Variants in SRGAP2C observed in about 807,000 individuals in gnomAD.
The protein encoded by SRGAP2C is SLIT-ROBO Rho GTPase activating protein 2C, also known as SLIT-ROBO Rho GTPase-activating protein 2C.
Under a neutral mutation model 25.1 loss-of-function variants are expected in SRGAP2C, and 15 were observed. That is an observed-to-expected ratio of 0.60 (90% confidence interval 0.40 to 0.92). The LOEUF is 0.92. Ranked by LOEUF, SRGAP2C falls within the 40% of genes least tolerant of loss-of-function variation. SRGAP2C has a pLI of 0.00. For missense variants in SRGAP2C, 144 were observed against 264.4 expected (o/e 0.54, Z 3.16); for synonymous variants, 44 against 96.6 (o/e 0.46, Z 3.19).
At chr1:121,206,121 C>T (rs1254970624) in intron 2 of SRGAP2C, among the ~76,000 whole-genome samples, 4 of 150,828 alleles carry the variant, frequency 2.7e-5, no homozygotes, top group African/African-American at 9.7e-5. Context: ...GTTCCCACAG[C>T]CCCCACCGTG....
intron 3 of SRGAP2C, among the ~76,000 whole-genome samples, chr1:121,315,512 T>A (rs1658077478): frequency 6.6e-6 from 1 of 151,550 alleles, no homozygotes; most frequent in African/African-American, 2.4e-5. Context: ...GCTAATTTGA[T>A]CTACTAACCT....
In SRGAP2C at chr1:121,326,747, C is replaced by T. The variant is rs1215009032; in HGVS notation, c.423+2107C>T. On this transcript the variant is annotated intron_variant, in intron 4 of 9. Coordinates refer to ENST00000367123, the MANE Select transcript of SRGAP2C (RefSeq NM_001329984.2). ...CATTTCTGTACCCTAGAAACCCCCT[C>T]ATATTCCCTTCTAGTCATCTCCCCA... Among the ~76,000 whole-genome samples the T allele has an allele frequency of 2.6e-4, 23 of 88,452 alleles. 5 individuals are homozygous for T. The highest frequency in any genetic ancestry group is 0.01 in the Middle Eastern group (2 of 194). The allele number at this position is 88,452 out of a possible 152,430, so 58.0% of individuals were successfully genotyped here.
intron 2 of SRGAP2C, among the ~76,000 whole-genome samples, chr1:121,255,322 T>G (rs1373503920): frequency 1.3e-5 from 2 of 151,696 alleles, no homozygotes; most frequent in African/African-American, 2.4e-5. Flanking sequence ...TGGGTTGAAG[T>G]TGTTTTTATG....
rs1310769372 is a variant in SRGAP2C, at chr1:121,310,621, C to A, written c.261-13857C>A. Reference sequence around the variant, plus strand: ...TTTGTATAAGGTGTAAGGAAGGGATCCAGTTTCAGCTTTCTACATATGGCT... The same window carrying A: ...TTTGTATAAGGTGTAAGGAAGGGATACAGTTTCAGCTTTCTACATATGGCT... On this transcript the variant is annotated intron_variant, in intron 3 of 9. Transcript: ENST00000367123. Among the ~76,000 whole-genome samples, 658 of 66,494 alleles carry A rather than the reference C, an allele frequency of 9.9e-3. 39 individuals carry two copies. The highest frequency in any genetic ancestry group is 0.022 in the Middle Eastern group (4 of 178). 43.6% of individuals were successfully genotyped at this position (66,494 alleles called of 152,430 possible).
intron 2 of SRGAP2C, among the ~76,000 whole-genome samples, chr1:121,223,972 A>T (rs1655601589): frequency 6.6e-6 from 1 of 150,530 alleles, no homozygotes; most frequent in Non-Finnish European, 1.5e-5. Flanking sequence ...TGGAAATGTC[A>T]CTACTCACCT....
At chr1:121,279,394 T>C (rs1657191962) in intron 2 of SRGAP2C, among the ~76,000 whole-genome samples, 1 of 135,680 alleles carries the variant, frequency 7.4e-6, no homozygotes. Context: ...CTCTGCTGAC[T>C]GTTGAATTCC....
intron 2 of SRGAP2C, among the ~76,000 whole-genome samples, chr1:121,219,404 GC>G (rs1553325304): frequency 1.9e-5 from 1 of 53,200 alleles, no homozygotes; most frequent in East Asian, 4.5e-4. Flanking sequence ...TAAACTATAA[GC>G]TTTTGGATGG....
Position 121,268,785 on chromosome 1 carries a change from G to A in SRGAP2C, c.68-16018G>A, listed in dbSNP as rs1553334774. ...TGGGGTGTCAAGAGTTCAGGTTCGG[G>A]CATGTTAAGTTCTAGGTACCTGTTA... On this transcript the variant is annotated intron_variant, in intron 2 of 9. Coordinates refer to ENST00000367123, the MANE Select transcript of SRGAP2C (RefSeq NM_001329984.2). 3.9e-5 allele frequency among the ~76,000 whole-genome samples: 4 copies of A among 101,372 alleles called. 2 individuals carry two copies. The allele number at this position is 101,372 out of a possible 152,430, so 66.5% of individuals were successfully genotyped here. A position where few individuals can be genotyped will look rare whatever the true frequency, so the allele number is the denominator to read the frequency against.
intron 4 of SRGAP2C, among the ~76,000 whole-genome samples, chr1:121,336,185 T>A (rs1658511521): frequency 6.6e-6 from 1 of 152,158 alleles, no homozygotes. Flanking sequence ...CTATCCTGTT[T>A]GCCTTGGGCT....
At chr1:121,202,516 A>C (rs1343533636) in intron 2 of SRGAP2C, among the ~76,000 whole-genome samples, 2 of 142,414 alleles carry the variant, frequency 1.4e-5, no homozygotes, top group Admixed American at 7.0e-5. Flanking sequence ...GCAACCTCCG[A>C]CTCCCGGATT....
intron 3 of SRGAP2C, among the ~76,000 whole-genome samples, chr1:121,289,157 T>C (rs1258630070): frequency 2.0e-5 from 3 of 146,744 alleles, no homozygotes; most frequent in Non-Finnish European, 3.0e-5. Flanking sequence ...GAGCAGGGGG[T>C]GGTGCTCGTC....
In SRGAP2C at chr1:121,284,859, CG is replaced by C. The variant is rs1156541010; in HGVS notation, c.127del (p.Val43CysfsTer61). The C allele has an allele frequency of 5.4e-6, 6 of 1,110,264 alleles. No individual in the cohort carries two copies. The highest frequency in any genetic ancestry group is 7.8e-6 in the Non-Finnish European group (6 of 766,838). 68.8% of individuals were successfully genotyped at this position (1,110,264 alleles called of 1,614,324 possible). On this transcript the variant is annotated frameshift_variant, in exon 3 of 10. Transcript: ENST00000367123. LOFTEE classifies it high-confidence loss of function. ...ATGCCTGGACCAGCAGTGTGAGCTTCGGGTGCAACTGTTGCAGGACCTCCAG... is the reference window on the plus strand; with the variant it reads ...ATGCCTGGACCAGCAGTGTGAGCTTCGGTGCAACTGTTGCAGGACCTCCAG... Reference protein sequence around the residue: ...MKCLDQQCELRVQLLQDLQDF... With the variant: ...MKCLDQQCELXVQLLQDLQDF...
intron 5 of SRGAP2C, among the ~76,000 whole-genome samples, chr1:121,365,964 C>T (rs1553349434): frequency 3.4e-5 from 5 of 145,684 alleles, no homozygotes; most frequent in East Asian, 2.1e-4. Flanking sequence ...AGATGACTGG[C>T]GCTTCAGGCA....
chr1:121,265,972 G>A (rs373526522), intron 2 of SRGAP2C, among the ~76,000 whole-genome samples: 30 of 151,756 alleles, frequency 2.0e-4, no homozygotes, highest in East Asian at 5.8e-4. Context: ...TTGTTTGTTC[G>A]TTTGTTGTTG....
At chr1:121,329,752 T>A (rs1268974809) in intron 4 of SRGAP2C, among the ~76,000 whole-genome samples, 2 of 151,714 alleles carry the variant, frequency 1.3e-5, no homozygotes, top group African/African-American at 4.8e-5. Context: ...GGGACATATT[T>A]TACATTTTGC....
At chr1:121,285,194 G>A (rs1284669389) in intron 3 of SRGAP2C, among the ~76,000 whole-genome samples, 199 bp downstream of exon 3, 1 of 150,064 alleles carries the variant, frequency 6.7e-6, no homozygotes, top group African/African-American at 2.4e-5. Context: ...AGTAGATGAT[G>A]AACCATGCTA....
At position 121,336,616 on chromosome 1, in the gene SRGAP2C, G is replaced by C. The variant is rs1419883161; in HGVS notation, c.423+11976G>C. Among the ~76,000 whole-genome samples the C allele has an allele frequency of 1.0e-4, 9 of 90,274 alleles. 3 individuals carry two copies. Among genetic ancestry groups the C allele is most frequent in the Non-Finnish European group, 2.1e-4 (9 of 41,938 alleles). 59.2% of individuals were successfully genotyped at this position (90,274 alleles called of 152,430 possible). On this transcript the variant is annotated intron_variant, in intron 4 of 9. Coordinates refer to ENST00000367123, the MANE Select transcript of SRGAP2C (RefSeq NM_001329984.2). The stretch of plus-strand genomic sequence containing the variant: ...ATGTTATAGAAAATTTAAAAATACA[G>C]AAAGCAAAAATATGATATAAAAAAC...
At chr1:121,218,725 C>T (rs1162310516) in intron 2 of SRGAP2C, among the ~76,000 whole-genome samples, 17 of 151,572 alleles carry the variant, frequency 1.1e-4, no homozygotes, top group African/African-American at 3.2e-4. Flanking sequence ...CCAGTCTGGG[C>T]GACAGAGTGA....
chr1:121,358,769 ATTT>A (rs1161491118), intron 4 of SRGAP2C, among the ~76,000 whole-genome samples: 2 of 70,702 alleles, frequency 2.8e-5, no homozygotes, highest in East Asian at 4.7e-4. Context: ...TTGAAATCAG[ATTT>A]TTTTTTTTTT....
Sources: gnomAD v4.1 joint callset for allele counts (sites outside exome capture counted in the v4.1 genomes callset) on GRCh38, gnomAD v4.1.1 for gene constraint, MANE v1.5 for transcripts, NCBI Gene and HGNC (gene_info 2026-07-23, HGNC 2026-07-21) for gene names.